Variants in CC2D2B observed in about 807,000 individuals in gnomAD.
CC2D2B encodes the protein coiled-coil and C2 domain containing 2B.
CC2D2B carries 128 observed loss-of-function variants against 161.2 expected under a neutral mutation model. The ratio of observed to expected loss-of-function variants is 0.79; its 90% CI spans 0.69 to 0.92. The LOEUF is 0.92. Among genes scored for constraint, CC2D2B ranks in the 40% least tolerant of loss-of-function variants. The pLI, the probability that CC2D2B is intolerant of heterozygous loss-of-function variation, is 0.00. For synonymous variants in CC2D2B, 391 were observed against 449.8 expected (o/e 0.87, Z 1.65); for missense variants, 1,173 against 1,375.1 (o/e 0.85, Z 2.32).
chr10:96,024,926 C>A lies in CC2D2B; in HGVS notation c.3947+15C>A. The A allele has an allele frequency of 6.8e-7, 1 of 1,477,688 alleles. No individual in the cohort carries two copies. The highest frequency in any genetic ancestry group is 1.2e-5 in the South Asian group (1 of 81,798). The allele number at this position is 1,477,688 out of a possible 1,614,324, so 91.5% of individuals were successfully genotyped here. ...CTAAGGAATAGGTACTGTGTTTTCC[C>A]CTAATCTCTTGTTGGGTTACCTTTC... On this transcript the variant is annotated intron_variant, in intron 33 of 34. Transcript: ENST00000646931.
chr10:95,979,933 T>C (rs2077451011), intron 17 of CC2D2B, among the ~76,000 whole-genome samples: 1 of 152,228 alleles, frequency 6.6e-6, no homozygotes, highest in African/African-American at 2.4e-5. Context: ...TTTACAAATG[T>C]GGTGGCTGTG....
chr10:95,983,188 G>T (rs925875090), intron 18 of CC2D2B, among the ~76,000 whole-genome samples: 3 of 152,214 alleles, frequency 2.0e-5, no homozygotes, highest in African/African-American at 7.2e-5. Flanking sequence ...ACTCACATTT[G>T]CATTTGTTGA....
rs1476461926 is a variant in CC2D2B at position 95,964,369 on chromosome 10, A to G, written c.1251-1527A>G. On this transcript the variant is annotated intron_variant, in intron 12 of 34. Transcript: ENST00000646931. ...AGGAATTTCTAAAAATGACTGTTCT[A>G]ATTTAATTAGTATGGGGTATGGTCT... Among the ~76,000 whole-genome samples the G allele has an allele frequency of 2.0e-5, 3 of 152,306 alleles. No homozygotes were observed. The East Asian group carries it at 5.8e-4, about 29-fold the overall frequency.
intron 29 of CC2D2B, among the ~76,000 whole-genome samples, 156 bp from the exon 30 acceptor site, chr10:96,016,045 G>C (rs990282573): frequency 5.9e-5 from 9 of 152,182 alleles, no homozygotes; most frequent in African/African-American, 2.2e-4. Flanking sequence ...AGCAAAGCTG[G>C]AGCTGTCTGC....
At chr10:96,025,152 A>T (rs1414059379) in intron 33 of CC2D2B, among the ~76,000 whole-genome samples, 57 of 25,152 alleles carry the variant, frequency 2.3e-3, no homozygotes, top group Non-Finnish European at 3.3e-3. Flanking sequence ...CTACTAAAAA[A>T]AAATATATAT....
chr10:95,991,698 TAGAC>T (rs1193550366), intron 21 of CC2D2B, among the ~76,000 whole-genome samples: 1 of 152,186 alleles, frequency 6.6e-6, no homozygotes, highest in Non-Finnish European at 1.5e-5. Flanking sequence ...GCCCTCTCCT[TAGAC>T]AGGTTTCAGG....
intron 2 of CC2D2B, chr10:95,918,864 ATTCT>A (rs1366788741): frequency 6.6e-6 from 1 of 151,630 alleles, no homozygotes; most frequent in Non-Finnish European, 1.5e-5. Flanking sequence ...AAGCTTACTG[ATTCT>A]TTCTTCTGCT....
In CC2D2B at chr10:96,004,224, T is replaced by A. The variant is rs2078651190; in HGVS notation, c.2922T>A (p.Asp974Glu). The A allele has an allele frequency of 2.7e-6, 4 of 1,502,614 alleles. No homozygotes were observed. The highest frequency in any genetic ancestry group is 3.6e-6 in the Non-Finnish European group (4 of 1,106,030). The allele number at this position is 1,502,614 out of a possible 1,614,324, so 93.1% of individuals were successfully genotyped here. A position where few individuals can be genotyped will look rare whatever the true frequency, so the allele number is the denominator to read the frequency against. ...IKDNIYINIFDEMMTEKHEDH... is the reference protein window; with the variant it reads ...IKDNIYINIFEEMMTEKHEDH... The stretch of plus-strand genomic sequence containing the variant: ...ATAACATATATATCAACATTTTTGA[T>A]GAAATGATGACTGAAAAACATGAGG... The change falls in exon 25 of 35, where the codon GAT (aspartate) becomes GAA (glutamate). Residue 974 changes from aspartate to glutamate, a missense_variant. Asp to Glu is a conservative substitution (Grantham distance 45). This residue lies in a region of CC2D2B where 598 missense variants were observed against 693.2 expected (regional missense o/e 0.86). Coordinates refer to ENST00000646931, the MANE Select transcript of CC2D2B (RefSeq NM_001349008.3).
At chr10:95,956,946 G>A (rs2076585806) in intron 11 of CC2D2B, among the ~76,000 whole-genome samples, 1 of 152,072 alleles carries the variant, frequency 6.6e-6, no homozygotes, top group Non-Finnish European at 1.5e-5. Context: ...TTAATCTATA[G>A]ATGCAGAACT....
At chr10:96,027,753 G>C (rs1027671297) in intron 34 of CC2D2B, among the ~76,000 whole-genome samples, 4 of 152,282 alleles carry the variant, frequency 2.6e-5, no homozygotes, top group African/African-American at 9.6e-5. Context: ...ATACTATAGA[G>C]CTTTAGTAAC....
chr10:95,938,438 CAGTG>C (rs1042576975), intron 7 of CC2D2B, 127 bp from the exon 8 acceptor site: 35 of 601,230 alleles, frequency 5.8e-5, no homozygotes, highest in Admixed American at 2.9e-4. Context: ...AAGTAAGAGA[CAGTG>C]AGAGAGAGGC....
chr10:95,928,136 T>C (rs1304406082), intron 6 of CC2D2B, among the ~76,000 whole-genome samples: 1 of 152,140 alleles, frequency 6.6e-6, no homozygotes, highest in African/African-American at 2.4e-5. Flanking sequence ...CCATTTGCCT[T>C]CCTACTTCCA....
At chr10:95,999,960 C>T in intron 24 of CC2D2B, 1 of 628,350 alleles carries the variant, frequency 1.6e-6, no homozygotes, top group Non-Finnish European at 2.7e-6. Context: ...GCTCTTAGAG[C>T]ACTTATGTGC....
chr10:96,031,797 G>A (rs955831771), intron 34 of CC2D2B, 23 bp from the exon 35 acceptor site: 2 of 1,600,522 alleles, frequency 1.2e-6, no homozygotes, highest in Non-Finnish European at 8.5e-7. Flanking sequence ...GTGGGTTTAT[G>A]TGCTGTTCTG....
At position 96,032,036 on chromosome 10, in the gene CC2D2B, G is replaced by A; in HGVS notation, c.*28G>A. On this transcript the variant is annotated 3_prime_UTR_variant, in exon 35 of 35. Coordinates refer to ENST00000646931, the MANE Select transcript of CC2D2B (RefSeq NM_001349008.3). ...AGGAAGCAGAGCAAAGTAAAAGATTGTACTATAGTCCTCTAGTACCAACAA... is the reference window on the plus strand; with the variant it reads ...AGGAAGCAGAGCAAAGTAAAAGATTATACTATAGTCCTCTAGTACCAACAA... The A allele has an allele frequency of 6.4e-7, 1 of 1,566,090 alleles. No individual in the cohort carries two copies.
Position 95,992,255 on chromosome 10 carries a change from C to A in CC2D2B, c.2472-272C>A, listed in dbSNP as rs949759197. On this transcript the variant is annotated intron_variant, in intron 21 of 34. Transcript: ENST00000646931. ...TCCAAAAGATCATCATGTTTCATGG[C>A]TTTACCTCTCCATGTCCACGTATCT... Among the ~76,000 whole-genome samples, 6 of 152,266 alleles carry A rather than the reference C, an allele frequency of 3.9e-5. No homozygotes were observed. In the East Asian group the frequency reaches 7.7e-4, roughly 20 times the overall value.
Position 95,955,376 on chromosome 10 carries a change from C to CTT in CC2D2B, c.1012-9_1012-8dup, listed in dbSNP as rs139486333. ...GGCAGATAAAATATACCGAAGAGCTCTTTTTTTTTTGTTATAGCTGAAAGC... is the reference window on the plus strand; with the variant it reads ...GGCAGATAAAATATACCGAAGAGCTCTTTTTTTTTTTTGTTATAGCTGAAAGC... On this transcript the variant is annotated splice_polypyrimidine_tract_variant and intron_variant, in intron 10 of 34. Coordinates refer to ENST00000646931, the MANE Select transcript of CC2D2B (RefSeq NM_001349008.3). The CTT allele has an allele frequency of 8.9e-4, 320 of 358,780 alleles. No individual in the cohort carries two copies. Among genetic ancestry groups the CTT allele is most frequent in the Middle Eastern group, 1.4e-3 (2 of 1,380 alleles). 22.2% of individuals were successfully genotyped at this position (358,780 alleles called of 1,614,324 possible). A position where few individuals can be genotyped will look rare whatever the true frequency, so the allele number is the denominator to read the frequency against.
At chr10:95,971,503 A>C (rs2077131504) in intron 15 of CC2D2B, among the ~76,000 whole-genome samples, 1 of 152,096 alleles carries the variant, frequency 6.6e-6, no homozygotes, top group Non-Finnish European at 1.5e-5. Flanking sequence ...TGCCCAGTGA[A>C]CCTCTATGGG....
chr10:95,957,854 C>T (rs2076623260), intron 11 of CC2D2B, among the ~76,000 whole-genome samples: 3 of 150,336 alleles, frequency 2.0e-5, no homozygotes, highest in Non-Finnish European at 4.4e-5. Context: ...AGCCACCACA[C>T]CTGGCCATGA....
Sources: gnomAD v4.1 joint callset for allele counts (sites outside exome capture counted in the v4.1 genomes callset) on GRCh38, gnomAD v4.1.1 for gene constraint, gnomAD v4.1.1 regional missense constraint, MANE v1.5 for transcripts, NCBI Gene and HGNC (gene_info 2026-07-23, HGNC 2026-07-21) for gene names.